Variants in PDE1A observed in about 807,000 individuals in gnomAD.
PDE1A encodes the protein dual specificity calcium/calmodulin-dependent 3',5'-cyclic nucleotide phosphodiesterase 1A.
In PDE1A, 35 loss-of-function variants were observed where a neutral mutation model predicts 61.7. The ratio of observed to expected loss-of-function variants is 0.57; its 90% CI spans 0.43 to 0.75. The LOEUF (loss-of-function observed/expected upper bound fraction) is 0.75, where lower values mean the gene tolerates loss of function less well. PDE1A is among the 30% of genes least tolerant of loss of function. The pLI is 0.00. For synonymous variants in PDE1A, 232 were observed against 213.2 expected, an observed-to-expected ratio of 1.09 and a Z score of -0.77; for missense variants, 597 against 630.6, an observed-to-expected ratio of 0.95 and a Z score of 0.57.
At chr2:182,674,426 T>C in the PDE1A span, among the ~76,000 whole-genome samples, 1 of 152,124 alleles carries the variant, frequency 6.6e-6, no homozygotes, top group Non-Finnish European at 1.5e-5. Context: ...GTTCTTACCT[T>C]AAATTTATAA....
chr2:182,493,208 C>T (rs145280457), intron 2 of PDE1A, among the ~76,000 whole-genome samples: 420 of 146,502 alleles, frequency 2.9e-3, no homozygotes, highest in African/African-American at 1.0e-2. Flanking sequence ...AAATTTTAAT[C>T]GGCAAGAGGA....
intron 1 of PDE1A, among the ~76,000 whole-genome samples, chr2:182,349,760 A>G (rs1239823453): frequency 6.6e-6 from 1 of 152,166 alleles, no homozygotes; most frequent in African/African-American, 2.4e-5. Flanking sequence ...CTCCATCTCA[A>G]AACAAAAACA....
intron 7 of PDE1A, among the ~76,000 whole-genome samples, chr2:182,220,214 T>C (rs941610082): frequency 6.6e-6 from 1 of 152,192 alleles, no homozygotes; most frequent in East Asian, 1.9e-4. Flanking sequence ...TACAGAAATA[T>C]GAACTAGCAA....
At chr2:182,493,870 C>T (rs1179002498) in intron 2 of PDE1A, among the ~76,000 whole-genome samples, 2 of 152,180 alleles carry the variant, frequency 1.3e-5, no homozygotes, top group Non-Finnish European at 2.9e-5. Context: ...GAACTCCTGG[C>T]CTCAAGTGAT....
chr2:182,596,319 GCA>G, the PDE1A span, among the ~76,000 whole-genome samples: 49 of 152,302 alleles, frequency 3.2e-4, no homozygotes, highest in African/African-American at 1.1e-3. Flanking sequence ...AGTCCGAAGA[GCA>G]CAGAGTGATC....
chr2:182,193,245 C>G (rs1017033512), intron 10 of PDE1A, among the ~76,000 whole-genome samples: 3 of 152,098 alleles, frequency 2.0e-5, no homozygotes, highest in African/African-American at 7.2e-5. Context: ...TCCAGCCTCC[C>G]AAAGTGTTGG....
At chr2:182,236,470 T>C (rs956435892) in intron 3 of PDE1A, among the ~76,000 whole-genome samples, 1 of 151,970 alleles carries the variant, frequency 6.6e-6, no homozygotes, top group Admixed American at 6.6e-5. Context: ...ATAAAAATCA[T>C]TCAGGATTAA....
chr2:182,705,153 T>C, the PDE1A span, among the ~76,000 whole-genome samples: 1 of 152,190 alleles, frequency 6.6e-6, no homozygotes, highest in African/African-American at 2.4e-5. Context: ...AAGGGCCAAA[T>C]CTCATGTATG....
At chr2:182,176,269 C>T (rs1427482142) in intron 13 of PDE1A, among the ~76,000 whole-genome samples, 1 of 148,878 alleles carries the variant, frequency 6.7e-6, no homozygotes, top group East Asian at 1.9e-4. Flanking sequence ...TGTAAATTAC[C>T]TTGGGCAGTA....
intron 13 of PDE1A, among the ~76,000 whole-genome samples, chr2:182,181,436 G>T (rs1460190662): frequency 6.6e-6 from 1 of 152,218 alleles, no homozygotes; most frequent in Non-Finnish European, 1.5e-5. Flanking sequence ...GAACATCAAA[G>T]ATTGCTGTCT....
intron 7 of PDE1A, among the ~76,000 whole-genome samples, chr2:182,212,636 A>G (rs1013496358): frequency 6.6e-6 from 1 of 152,214 alleles, no homozygotes; most frequent in Non-Finnish European, 1.5e-5. Flanking sequence ...TCCCTTTCCG[A>G]GTCAAAGAAA....
chr2:182,518,108 G>T, intron 2 of PDE1A, among the ~76,000 whole-genome samples: 1 of 152,226 alleles, frequency 6.6e-6, no homozygotes, highest in Non-Finnish European at 1.5e-5. Flanking sequence ...AAGCTTTAAA[G>T]GTGTTTAAGC....
intron 1 of PDE1A, among the ~76,000 whole-genome samples, chr2:182,382,108 C>T (rs190049335): frequency 5.9e-5 from 9 of 152,208 alleles, no homozygotes; most frequent in Admixed American, 1.3e-4. Context: ...TATAAGCTCT[C>T]CTTTGAGTAT....
chr2:182,477,490 T>C (rs764727007), intron 2 of PDE1A, among the ~76,000 whole-genome samples: 9 of 151,870 alleles, frequency 5.9e-5, no homozygotes, highest in Non-Finnish European at 1.2e-4. Flanking sequence ...ACGTAGTGAA[T>C]GGTGAAATTG....
At chr2:182,152,504 TC>T (rs1002250190) in intron 13 of PDE1A, among the ~76,000 whole-genome samples, 18 of 141,702 alleles carry the variant, frequency 1.3e-4, no homozygotes, top group African/African-American at 4.4e-4. Context: ...CACTGCAACC[TC>T]TGCCTCCCAG....
chr2:182,178,377 C>T (rs1196059), intron 13 of PDE1A, among the ~76,000 whole-genome samples: 113,525 of 151,908 alleles, frequency 0.75, 42,663 homozygotes, highest in East Asian at 0.91. Context: ...GAGGGAAAAG[C>T]TTAACTCCTT....
downstream of PDE1A, chr2:182,142,643 GA>G (rs1339837563): frequency 1.3e-5 from 2 of 152,154 alleles, no homozygotes; most frequent in Admixed American, 1.3e-4. Context: ...TTAAGACCTT[GA>G]AAAATTTATA....
the PDE1A span, among the ~76,000 whole-genome samples, chr2:182,597,370 G>A: frequency 7.2e-5 from 11 of 152,056 alleles, no homozygotes; most frequent in African/African-American, 1.2e-4. Context: ...CCTCACTAAG[G>A]GGAAATATAT....
At chr2:182,141,502 A>G (rs2125250492) in exon 15 of PDE1A, 1 of 152,372 alleles carries the variant, frequency 6.6e-6, no homozygotes, top group East Asian at 1.9e-4. Flanking sequence ...GTTTTGCACA[A>G]GATTCAGGTG....
Sources: gnomAD v4.1 joint callset for allele counts (sites outside exome capture counted in the v4.1 genomes callset) on GRCh38, gnomAD v4.1.1 for gene constraint, MANE v1.5 for transcripts, NCBI Gene and HGNC (gene_info 2026-07-23, HGNC 2026-07-21) for gene names.